The following NUBPL variants were observed in gnomAD, a reference collection of about 807,000 sequenced individuals.
NUBPL encodes the protein iron-sulfur cluster transfer protein NUBPL.
Under a neutral mutation model 45.7 loss-of-function variants are expected in NUBPL, and 31 were observed. The observed-to-expected ratio is 0.68, with a 90% confidence interval of 0.51 to 0.92. NUBPL has a LOEUF of 0.92. Ranked by LOEUF, NUBPL falls within the 40% of genes least tolerant of loss-of-function variation. The pLI is 0.00. For missense variants in NUBPL, 401 were observed against 398.7 expected (o/e 1.01, Z -0.05); for synonymous variants, 144 against 140.9 (o/e 1.02, Z -0.15).
chr14:31,657,330 T>C (rs34464469), intron 4 of NUBPL, among the ~76,000 whole-genome samples: 66,077 of 152,052 alleles, frequency 0.43, 17,225 homozygotes, highest in East Asian at 0.6. Context: ...ATCTCTAGTG[T>C]AACTAAATGG....
intron 6 of NUBPL, among the ~76,000 whole-genome samples, chr14:31,708,954 C>A (rs368274462): frequency 2.0e-5 from 3 of 152,110 alleles, no homozygotes; most frequent in African/African-American, 7.2e-5. Context: ...TAAGCCCTAC[C>A]GGGTGATTGG....
At chr14:31,799,793 A>C (rs11156710) in intron 7 of NUBPL, among the ~76,000 whole-genome samples, 71,738 of 152,024 alleles carry the variant, frequency 0.47, 19,144 homozygotes, top group East Asian at 0.6. Flanking sequence ...GCAGTTGCTG[A>C]CGGTTGGAGT....
chr14:31,677,260 G>A (rs2036722717), intron 6 of NUBPL, among the ~76,000 whole-genome samples: 1 of 152,064 alleles, frequency 6.6e-6, no homozygotes, highest in South Asian at 2.1e-4. Flanking sequence ...TCACCGTGTT[G>A]TGCTAGCAAA....
chr14:31,712,842 T>C (rs2037607450), intron 6 of NUBPL, among the ~76,000 whole-genome samples: 1 of 152,190 alleles, frequency 6.6e-6, no homozygotes, highest in African/African-American at 2.4e-5. Context: ...ATCCATCTCC[T>C]TGACCAACTA....
At chr14:31,693,577 A>G (rs17098061) in intron 6 of NUBPL, among the ~76,000 whole-genome samples, 46,815 of 151,952 alleles carry the variant, frequency 0.31, 7,793 homozygotes, top group South Asian at 0.41. Context: ...CATGGAAAAG[A>G]TTCATAGACT....
intron 9 of NUBPL, among the ~76,000 whole-genome samples, chr14:31,847,141 T>G (rs1166048718): frequency 6.6e-6 from 1 of 152,324 alleles, no homozygotes; most frequent in Non-Finnish European, 1.5e-5. Context: ...AATTTGAGAA[T>G]AGAGTTTTGT....
intron 6 of NUBPL, among the ~76,000 whole-genome samples, chr14:31,730,463 C>G (rs1595554609): frequency 7.3e-6 from 1 of 137,890 alleles, no homozygotes. Context: ...ATCAAGTAAT[C>G]TTTTTTTTTT....
At chr14:31,667,084 G>A (rs978814016) in intron 4 of NUBPL, among the ~76,000 whole-genome samples, 12 of 152,078 alleles carry the variant, frequency 7.9e-5, no homozygotes, top group Non-Finnish European at 1.8e-4. Flanking sequence ...TCCTGAATTT[G>A]AATGTTGGCC....
intron 6 of NUBPL, among the ~76,000 whole-genome samples, chr14:31,731,847 A>C (rs1232718159): frequency 1.3e-5 from 2 of 152,146 alleles, no homozygotes; most frequent in African/African-American, 4.8e-5. Flanking sequence ...TGTATAACAT[A>C]AAGGAAGGAT....
At chr14:31,736,516 T>C (rs879822524) in intron 6 of NUBPL, among the ~76,000 whole-genome samples, 43 of 152,322 alleles carry the variant, frequency 2.8e-4, no homozygotes, top group African/African-American at 8.9e-4. Context: ...CTGAGATCCA[T>C]CCATGTTTTT....
intron 4 of NUBPL, among the ~76,000 whole-genome samples, chr14:31,644,970 C>G (rs2139713447): frequency 6.6e-6 from 1 of 152,094 alleles, no homozygotes; most frequent in South Asian, 2.1e-4. Context: ...GCTATTCCTG[C>G]TCTTTTTAAA....
chr14:31,693,216 G>C (rs576904284), intron 6 of NUBPL, among the ~76,000 whole-genome samples: 24 of 152,224 alleles, frequency 1.6e-4, no homozygotes, highest in African/African-American at 5.3e-4. Context: ...AATATTAGTA[G>C]TTGTAAGGCA....
At chr14:31,819,779 A>G (rs1467552443) in intron 7 of NUBPL, among the ~76,000 whole-genome samples, 1 of 152,228 alleles carries the variant, frequency 6.6e-6, no homozygotes, top group Non-Finnish European at 1.5e-5. Flanking sequence ...AAGGATTATA[A>G]GTTGTGAATT....
chr14:31,583,329 C>T (rs1279672576), intron 3 of NUBPL, among the ~76,000 whole-genome samples: 2 of 152,176 alleles, frequency 1.3e-5, no homozygotes, highest in African/African-American at 4.8e-5. Context: ...TTACATCACA[C>T]AGCATGTGGT....
intron 4 of NUBPL, among the ~76,000 whole-genome samples, chr14:31,640,065 G>A (rs1006127813): frequency 2.6e-5 from 4 of 152,058 alleles, no homozygotes; most frequent in African/African-American, 7.2e-5. Flanking sequence ...GCCCTGCTTC[G>A]GCTCCGGCAC....
chr14:31,829,478 T>C (rs1416866997), intron 8 of NUBPL, among the ~76,000 whole-genome samples: 1 of 152,180 alleles, frequency 6.6e-6, no homozygotes, highest in Non-Finnish European at 1.5e-5. Flanking sequence ...GTCTGGGCTA[T>C]GAGTGGGAAG....
At chr14:31,567,595 TA>T (rs1034443531) in intron 3 of NUBPL, among the ~76,000 whole-genome samples, 57 of 152,358 alleles carry the variant, frequency 3.7e-4, no homozygotes, top group African/African-American at 1.3e-3. Flanking sequence ...ATTTGGAAAT[TA>T]TTTTTTTTTC....
intron 3 of NUBPL, among the ~76,000 whole-genome samples, chr14:31,593,153 A>G (rs1272808436): frequency 6.6e-6 from 1 of 152,178 alleles, no homozygotes; most frequent in African/African-American, 2.4e-5. Flanking sequence ...AGTAATCTAG[A>G]GATGATTTAA....
intron 3 of NUBPL, among the ~76,000 whole-genome samples, chr14:31,594,297 G>T (rs926274528): frequency 2.6e-5 from 4 of 152,144 alleles, no homozygotes; most frequent in Non-Finnish European, 5.9e-5. Flanking sequence ...GCCAGTGCCT[G>T]TAGTCCTAGT....
Sources: gnomAD v4.1 joint callset for allele counts (sites outside exome capture counted in the v4.1 genomes callset) on GRCh38, gnomAD v4.1.1 for gene constraint, MANE v1.5 for transcripts, NCBI Gene and HGNC (gene_info 2026-07-23, HGNC 2026-07-21) for gene names.